The following ANO1 variants were observed in gnomAD, a reference collection of about 807,000 sequenced individuals.
The protein encoded by ANO1 is anoctamin-1.
In ANO1, 59 loss-of-function variants were observed where a neutral mutation model predicts 124.0. The ratio of observed to expected loss-of-function variants is 0.48; its 90% CI spans 0.39 to 0.59. ANO1 has a LOEUF of 0.59. Among genes scored for constraint, ANO1 ranks in the 20% least tolerant of loss-of-function variants. The pLI is 0.00. For missense variants in ANO1, 1,059 were observed against 1,328.0 expected, an observed-to-expected ratio of 0.80 and a Z score of 3.15; for synonymous variants, 529 against 532.0, an observed-to-expected ratio of 0.99 and a Z score of 0.08.
chr11:70,058,960 G>A (rs1252004034), intron 1 of ANO1, among the ~76,000 whole-genome samples: 1 of 151,750 alleles, frequency 6.6e-6, no homozygotes, highest in Admixed American at 6.6e-5. Context: ...GAGGCGGGCA[G>A]ATCACGAGGT....
At chr11:69,998,174 C>A (rs531730405) in intron 1 of ANO1, among the ~76,000 whole-genome samples, 1 of 152,302 alleles carries the variant, frequency 6.6e-6, no homozygotes, top group Non-Finnish European at 1.5e-5. Flanking sequence ...GTGTTTTAGA[C>A]TGAGCTGTAA....
At chr11:70,022,992 G>A (rs1856834332) in intron 1 of ANO1, among the ~76,000 whole-genome samples, 1 of 152,212 alleles carries the variant, frequency 6.6e-6, no homozygotes, top group African/African-American at 2.4e-5. Context: ...GGAGGCAGGG[G>A]CCACAAGGCA....
chr11:70,166,276 C>T (rs570544891), intron 20 of ANO1, among the ~76,000 whole-genome samples: 2 of 152,308 alleles, frequency 1.3e-5, no homozygotes, highest in African/African-American at 4.8e-5. Context: ...CGAGATCGCA[C>T]CACTGCACTC....
intron 11 of ANO1, among the ~76,000 whole-genome samples, chr11:70,142,817 T>C (rs1319945085): frequency 6.6e-6 from 1 of 152,180 alleles, no homozygotes; most frequent in Non-Finnish European, 1.5e-5. Context: ...CTTCTCCCTG[T>C]GTCCTCAGGT....
chr11:69,970,251 G>A, the ANO1 span, among the ~76,000 whole-genome samples: 2 of 152,270 alleles, frequency 1.3e-5, no homozygotes, highest in East Asian at 1.9e-4. Flanking sequence ...GCAGAACCCC[G>A]CGGCCACAGT....
intron 21 of ANO1, among the ~76,000 whole-genome samples, chr11:70,167,727 G>A (rs1020667610): frequency 2.0e-5 from 3 of 152,144 alleles, no homozygotes; most frequent in East Asian, 3.9e-4. Context: ...CCCCAGGCAC[G>A]GTCTCCATCA....
At chr11:70,150,675 C>T (rs1349278744) in intron 12 of ANO1, among the ~76,000 whole-genome samples, 2 of 152,116 alleles carry the variant, frequency 1.3e-5, no homozygotes, top group Non-Finnish European at 1.5e-5. Context: ...GCTGGGGCTA[C>T]AGACACACAC....
intron 9 of ANO1, among the ~76,000 whole-genome samples, 186 bp from the exon 10 acceptor site, chr11:70,125,875 G>A (rs1193579409): frequency 6.6e-6 from 1 of 151,800 alleles, no homozygotes; most frequent in East Asian, 1.9e-4. Context: ...GAAGAGGGGA[G>A]GGCTTCAGAA....
chr11:70,150,529 T>C lies in ANO1; in HGVS notation c.1341+737T>C, dbSNP rs572070073. ...CCACACTGACCACTATTTAATTTTATAAAACATGCTCCCCACTTTTTGGGA... is the reference window on the plus strand; with the variant it reads ...CCACACTGACCACTATTTAATTTTACAAAACATGCTCCCCACTTTTTGGGA... On this transcript the variant is annotated intron_variant, in intron 12 of 25. Coordinates refer to ENST00000355303, the MANE Select transcript of ANO1 (RefSeq NM_018043.7). Among the ~76,000 whole-genome samples the C allele has an allele frequency of 1.7e-4, 26 of 152,324 alleles. No individual in the cohort carries two copies. In the South Asian group the frequency reaches 5.0e-3, roughly 29 times the overall value.
chr11:70,101,607 A>AC (rs56990088), intron 2 of ANO1, among the ~76,000 whole-genome samples: 10 of 149,552 alleles, frequency 6.7e-5, no homozygotes, highest in Non-Finnish European at 1.3e-4. Context: ...AAAAAAAAAA[A>AC]CTCATCCCCA....
At chr11:70,094,187 G>A (rs868662253) in intron 2 of ANO1, among the ~76,000 whole-genome samples, 23 of 152,186 alleles carry the variant, frequency 1.5e-4, no homozygotes, top group African/African-American at 3.9e-4. Context: ...GAGGGGAACC[G>A]CAAGTCCCCC....
At chr11:70,079,173 G>C (rs947392723) in intron 1 of ANO1, among the ~76,000 whole-genome samples, 1 of 152,110 alleles carries the variant, frequency 6.6e-6, no homozygotes, top group Non-Finnish European at 1.5e-5. Flanking sequence ...GCCACTCCAC[G>C]ATGATGGTAA....
chr11:70,086,038 A>G (rs2044364050), intron 1 of ANO1, among the ~76,000 whole-genome samples: 1 of 152,174 alleles, frequency 6.6e-6, no homozygotes, highest in South Asian at 2.1e-4. Context: ...CTGGCGCAGC[A>G]TGCCGTCCCT....
intron 4 of ANO1, among the ~76,000 whole-genome samples, chr11:70,104,440 C>G (rs1184824206): frequency 6.6e-6 from 1 of 152,180 alleles, no homozygotes; most frequent in African/African-American, 2.4e-5. Flanking sequence ...CCCACCCGCT[C>G]CGCACCCCTG....
intron 22 of ANO1, among the ~76,000 whole-genome samples, chr11:70,175,586 C>T (rs2048662645): frequency 6.6e-6 from 1 of 152,216 alleles, no homozygotes; most frequent in Non-Finnish European, 1.5e-5. Context: ...GTCCCTAGCC[C>T]TGGTTTCGAC....
rs367886095 is a variant in ANO1 at position 70,167,374 on chromosome 11, G to A, written c.2184G>A (p.Glu728=). The A allele has an allele frequency of 3.0e-5, 48 of 1,612,054 alleles. No homozygotes were observed. The highest frequency in any genetic ancestry group is 4.1e-5 in the Non-Finnish European group (48 of 1,178,952). ...AGCCCTTCGCGGGCCTCACCCCAGA[G>A]TACATGGAAATGAGTGAGTGATGGC... ...NLEPFAGLTP[E]YMEMIIQFGF... is the part of the protein sequence containing the mutation. The change falls in exon 21 of 26, where the codon GAG becomes GAA. Residue 728 remains glutamate (E), a synonymous_variant. Transcript: ENST00000355303.
chr11:70,113,760 G>A (rs971301936), intron 7 of ANO1, among the ~76,000 whole-genome samples: 1 of 152,096 alleles, frequency 6.6e-6, no homozygotes, highest in African/African-American at 2.4e-5. Flanking sequence ...ACGTATCTGA[G>A]CACCTACTGT....
chr11:69,980,259 C>T, the ANO1 span, among the ~76,000 whole-genome samples: 11 of 152,056 alleles, frequency 7.2e-5, no homozygotes, highest in Non-Finnish European at 1.2e-4. Flanking sequence ...GTGGTGCCAG[C>T]GCTGGGGTTA....
At chr11:70,026,075 G>GA (rs1555003186) in intron 1 of ANO1, among the ~76,000 whole-genome samples, 10 of 142,712 alleles carry the variant, frequency 7.0e-5, no homozygotes, top group Non-Finnish European at 1.2e-4. Context: ...TGTGGTGGTG[G>GA]TGATGATGAT....
Sources: allele counts gnomAD v4.1 joint callset (sites outside exome capture counted in the v4.1 genomes callset), GRCh38; gene constraint gnomAD v4.1.1; transcripts MANE v1.5; gene names NCBI Gene and HGNC (gene_info 2026-07-23, HGNC 2026-07-21).